Variants in SPINT2 observed in about 807,000 individuals in gnomAD.
SPINT2 encodes the protein kunitz-type protease inhibitor 2.
A neutral mutation model predicts 30.1 loss-of-function variants in SPINT2; 18 were observed. The observed-to-expected ratio is 0.60, with a 90% confidence interval of 0.41 to 0.89. The LOEUF (loss-of-function observed/expected upper bound fraction) is 0.89. SPINT2 is among the 40% of genes least tolerant of loss of function. SPINT2 has a pLI of 0.00. For synonymous variants in SPINT2, 139 were observed against 137.9 expected, an observed-to-expected ratio of 1.01 and a Z score of -0.05; for missense variants, 276 against 334.3, an observed-to-expected ratio of 0.83 and a Z score of 1.36.
intron 2 of SPINT2, among the ~76,000 whole-genome samples, chr19:38,286,331 T>C (rs1033661892): frequency 6.6e-6 from 1 of 152,270 alleles, no homozygotes; most frequent in African/African-American, 2.4e-5. Context: ...CTAGTCCAGT[T>C]GCCAGAAGAC....
At chr19:38,272,924 G>A (rs1428455667) in intron 1 of SPINT2, among the ~76,000 whole-genome samples, 1 of 152,144 alleles carries the variant, frequency 6.6e-6, no homozygotes, top group Non-Finnish European at 1.5e-5. Flanking sequence ...GTTTCACCAT[G>A]TTGGCCAGGC....
At chr19:38,289,804 T>A (rs987609407) in intron 4 of SPINT2, 3 of 415,620 alleles carry the variant, frequency 7.2e-6, no homozygotes, top group Non-Finnish European at 1.4e-5. Context: ...AAGTGACTGT[T>A]GCCCCGCCTC....
In SPINT2 at chr19:38,290,489, G is replaced by A. The variant is rs374907384; in HGVS notation, c.554-48G>A. ...TGAGGGGATCCCCTGCGGCAGCTCT[G>A]TGGAATGGGGGCTGTGAGCTGACCT... On this transcript the variant is annotated intron_variant, in intron 5 of 6. Coordinates refer to ENST00000301244, the MANE Select transcript of SPINT2 (RefSeq NM_021102.4). This position sits in a 1 kb window ranked among gnomAD's most constrained non-coding sequence, Gnocchi z 4.3. The A allele has an allele frequency of 3.8e-5, 61 of 1,613,736 alleles. No homozygotes were observed. Among genetic ancestry groups the A allele is most frequent in the Non-Finnish European group, 5.2e-5 (61 of 1,179,896 alleles).
intron 2 of SPINT2, among the ~76,000 whole-genome samples, chr19:38,286,948 A>G (rs1354838046): frequency 6.6e-6 from 1 of 152,084 alleles, no homozygotes; most frequent in Non-Finnish European, 1.5e-5. Context: ...CTGGTATTAC[A>G]GTTGAATTAG....
chr19:38,268,790 T>TGTGTGTGTGTGTGTG, intron 1 of SPINT2, among the ~76,000 whole-genome samples: 2 of 151,840 alleles, frequency 1.3e-5, no homozygotes, highest in South Asian at 2.1e-4. Context: ...TGTGTGTGTG[T>TGTGTGTGTGTGTGTG]TACGGCTGGC....
At position 38,290,281 on chromosome 19, in the gene SPINT2, G is replaced by T. The variant is rs2146279917; in HGVS notation, c.553+1G>T. ...GAGGCCTGCATGCTCCGCTGCTTCC[G>T]TAAGTCTGCAGCCCCTCAGCCCAGG... is the stretch of plus-strand genomic sequence containing the variant. On this transcript the variant is annotated splice_donor_variant, in intron 5 of 6. Coordinates refer to ENST00000301244, the MANE Select transcript of SPINT2 (RefSeq NM_021102.4). LOFTEE classifies it high-confidence loss of function. This position sits in a 1 kb window ranked among gnomAD's most constrained non-coding sequence, Gnocchi z 4.3. 2 of 1,611,462 alleles carry T rather than the reference G, an allele frequency of 1.2e-6. No individual in the cohort carries two copies. The highest frequency in any genetic ancestry group is 2.7e-5 in the African/African-American group (2 of 75,000).
At chr19:38,288,093 C>T (rs1968664608) in intron 3 of SPINT2, 158 bp downstream of exon 3, 2 of 763,202 alleles carry the variant, frequency 2.6e-6, no homozygotes, top group African/African-American at 3.4e-5. Flanking sequence ...CGGCTTCTGG[C>T]TCCAGCATCC....
At chr19:38,274,855 C>T (rs1968497953) in intron 1 of SPINT2, among the ~76,000 whole-genome samples, 2 of 151,234 alleles carry the variant, frequency 1.3e-5, no homozygotes, top group South Asian at 2.1e-4. Flanking sequence ...GACCAGCTTA[C>T]GGGAGGTGTT....
intron 1 of SPINT2, among the ~76,000 whole-genome samples, chr19:38,266,551 C>T (rs1336897829): frequency 6.6e-6 from 1 of 152,062 alleles, no homozygotes; most frequent in Admixed American, 6.6e-5. Flanking sequence ...TGGTGCACAC[C>T]TGTAGTCCCG....
In SPINT2 at chr19:38,290,458, C is replaced by T; in HGVS notation, c.554-79C>T. On this transcript the variant is annotated intron_variant, in intron 5 of 6. Coordinates refer to ENST00000301244, the MANE Select transcript of SPINT2 (RefSeq NM_021102.4). The surrounding 1 kb of genome is among the most constrained non-coding windows in gnomAD (Gnocchi z 4.3). ...CTCAGAAAGAGCTCCCCATGGAGGC[C>T]CTGGCTGAGGGGATCCCCTGCGGCA... The T allele has an allele frequency of 6.2e-7, 1 of 1,611,408 alleles. No homozygotes were observed. Among genetic ancestry groups the T allele is most frequent in the South Asian group, 1.1e-5 (1 of 90,942 alleles).
chr19:38,286,577 G>A (rs1227694792), intron 2 of SPINT2, among the ~76,000 whole-genome samples: 3 of 152,112 alleles, frequency 2.0e-5, no homozygotes, highest in Non-Finnish European at 2.9e-5. Context: ...TCAGGAGATC[G>A]AGACCATCCT....
intron 1 of SPINT2, among the ~76,000 whole-genome samples, chr19:38,269,679 C>T (rs1481790420): frequency 1.5e-4 from 22 of 146,998 alleles, no homozygotes; most frequent in Admixed American, 6.3e-4. Context: ...GGCGCGTTCT[C>T]GGCTCACTGC....
chr19:38,275,915 C>CG (rs1489389656), intron 1 of SPINT2, among the ~76,000 whole-genome samples: 4 of 150,824 alleles, frequency 2.7e-5, no homozygotes, highest in Admixed American at 1.3e-4. Flanking sequence ...TTAGTACAGA[C>CG]GGGGTTTCTC....
chr19:38,269,083 TTTTG>T (rs1196220836), intron 1 of SPINT2, among the ~76,000 whole-genome samples: 1 of 151,620 alleles, frequency 6.6e-6, no homozygotes, highest in Non-Finnish European at 1.5e-5. Context: ...TTGTTTTTGT[TTTTG>T]TTTGTTTTTG....
At position 38,283,759 on chromosome 19, in the gene SPINT2, C is replaced by T; in HGVS notation, c.239C>T (p.Thr80Ile). ...GACGGAAACAGCAATAATTACCTGA[C>T]CAAGGAGGAGTGCCTCAAGAAATGT... The part of the protein sequence containing the change: ...GCDGNSNNYL[T>I]KEECLKKCAT... The change falls in exon 2 of 7, where the codon ACC (threonine) becomes ATC (isoleucine). Residue 80 changes from threonine to isoleucine, a missense_variant. Coordinates refer to ENST00000301244, the MANE Select transcript of SPINT2 (RefSeq NM_021102.4). 1 of 1,613,514 alleles carries T rather than the reference C, an allele frequency of 6.2e-7. No individual in the cohort carries two copies. Among genetic ancestry groups the T allele is most frequent in the Non-Finnish European group, 8.5e-7 (1 of 1,179,944 alleles).
chr19:38,274,093 T>G (rs931600370), intron 1 of SPINT2, among the ~76,000 whole-genome samples: 2 of 151,942 alleles, frequency 1.3e-5, no homozygotes, highest in African/African-American at 4.8e-5. Context: ...TAACCGGGTA[T>G]GGTGGCACAC....
chr19:38,264,955 C>T lies in SPINT2; in HGVS notation c.63C>T (p.Leu21=), dbSNP rs1968359532. 1 of 1,536,560 alleles carries T rather than the reference C, an allele frequency of 6.5e-7. No homozygotes were observed. Among genetic ancestry groups the T allele is most frequent in the South Asian group, 1.2e-5 (1 of 83,884 alleles). The change falls in exon 1 of 7, where the codon CTC becomes CTT. Residue 21 remains leucine (L), a synonymous_variant. Coordinates refer to ENST00000301244, the MANE Select transcript of SPINT2 (RefSeq NM_021102.4). The part of the protein sequence containing the change: ...RAFLALLGSL[L]LSGVLAADRE... ...TTCTCGCCCTGCTGGGATCGCTGCT[C>T]CTCTCTGGGGTCCTGGCGGCCGACC...
chr19:38,287,635 G>A (rs1391937546), intron 2 of SPINT2, among the ~76,000 whole-genome samples: 7 of 152,110 alleles, frequency 4.6e-5, no homozygotes, highest in Admixed American at 6.5e-5. Flanking sequence ...CCAAGTCACT[G>A]TCTTTTTAAG....
Position 38,264,819 on chromosome 19 carries a change from G to C in SPINT2, c.-74G>C, listed in dbSNP as rs557478268. ...AGGCGCTCCATTGCGCGTGCGCGTTGAGGGGCTTCCCGCACCTGATCGCGA... is the reference window on the plus strand; with the variant it reads ...AGGCGCTCCATTGCGCGTGCGCGTTCAGGGGCTTCCCGCACCTGATCGCGA... On this transcript the variant is annotated 5_prime_UTR_variant, in exon 1 of 7. Transcript: ENST00000301244. The C allele has an allele frequency of 2.1e-6, 3 of 1,462,866 alleles. No homozygotes were observed. In the South Asian group the frequency reaches 3.7e-5, roughly 18 times the overall value. 90.6% of individuals were successfully genotyped at this position (1,462,866 alleles called of 1,614,324 possible).
Sources: gnomAD v4.1 joint callset for allele counts (sites outside exome capture counted in the v4.1 genomes callset) on GRCh38, gnomAD v4.1.1 for gene constraint, Gnocchi (gnomAD v3.1) non-coding constraint, MANE v1.5 for transcripts, NCBI Gene and HGNC (gene_info 2026-07-23, HGNC 2026-07-21) for gene names.